DYNLT2: variants seen among roughly 807,000 people sequenced by gnomAD.
DYNLT2 encodes the protein dynein light chain Tctex-type protein 2.
Under a neutral mutation model 24.3 loss-of-function variants are expected in DYNLT2, and 24 were observed. The ratio of observed to expected loss-of-function variants is 0.99; its 90% confidence interval spans 0.71 to 1.39. DYNLT2 has a LOEUF of 1.39. Among genes scored for constraint, DYNLT2 ranks in the 40% most tolerant of loss-of-function variants. The pLI is 0.00. For missense variants in DYNLT2, 246 were observed against 234.5 expected (o/e 1.05, Z -0.32); for synonymous variants, 85 against 85.4 (o/e 1.00, Z 0.03).
chr6:169,748,420 C>T (rs202157797), intron 1 of DYNLT2, among the ~76,000 whole-genome samples: 2 of 151,984 alleles, frequency 1.3e-5, no homozygotes, highest in South Asian at 2.1e-4. Flanking sequence ...AAATCACTCT[C>T]GTCCTGCCTG....
At chr6:169,728,638 C>T in the DYNLT2 span, among the ~76,000 whole-genome samples, 47 of 151,824 alleles carry the variant, frequency 3.1e-4, no homozygotes, top group Admixed American at 5.3e-4. Context: ...TCTGTTACTG[C>T]TACGTAGACA....
At chr6:169,728,065 G>A in the DYNLT2 span, among the ~76,000 whole-genome samples, 1 of 152,270 alleles carries the variant, frequency 6.6e-6, no homozygotes, top group East Asian at 1.9e-4. Context: ...GAAACTACTC[G>A]GTCTGGCTTT....
intron 1 of DYNLT2, among the ~76,000 whole-genome samples, chr6:169,745,078 T>G (rs1334168275): frequency 6.6e-6 from 1 of 152,042 alleles, no homozygotes; most frequent in African/African-American, 2.4e-5. Flanking sequence ...AGTATGATGT[T>G]TGCTGTGAAG....
At chr6:169,743,864 A>T (rs1264879707) in intron 2 of DYNLT2, among the ~76,000 whole-genome samples, 1 of 152,238 alleles carries the variant, frequency 6.6e-6, no homozygotes, top group East Asian at 1.9e-4. Context: ...CTTACAAACC[A>T]GGAGCAGAAC....
intron 2 of DYNLT2, 33 bp downstream of exon 2, chr6:169,744,035 C>T (rs930898706): frequency 3.8e-6 from 6 of 1,587,106 alleles, no homozygotes; most frequent in Non-Finnish European, 5.2e-6. Context: ...AACCCTCATA[C>T]AATACTGCTA....
the DYNLT2 span, among the ~76,000 whole-genome samples, chr6:169,733,640 T>A: frequency 2.8e-4 from 43 of 152,338 alleles, no homozygotes; most frequent in Middle Eastern, 3.4e-3. Flanking sequence ...GCTCCATTGG[T>A]CTATATGTCT....
the DYNLT2 span, among the ~76,000 whole-genome samples, chr6:169,726,707 T>C: frequency 6.6e-6 from 1 of 152,200 alleles, no homozygotes; most frequent in Non-Finnish European, 1.5e-5. Context: ...ATTTGTATGA[T>C]AACAATAATG....
intron 1 of DYNLT2, among the ~76,000 whole-genome samples, chr6:169,746,970 G>C (rs1433236943): frequency 6.7e-6 from 1 of 149,636 alleles, no homozygotes; most frequent in Non-Finnish European, 1.5e-5. Context: ...GGGGGCAGCA[G>C]TTTGTCCTGT....
In DYNLT2 at chr6:169,751,355, A is replaced by T. The variant is rs746628241; in HGVS notation, c.104T>A (p.Met35Lys). ...VTPRKERRPS[M>K]FEKEAYTQIL... ...CGCACTCACTGCCTCCTTCTCGAAC[A>T]TGCTAGGCCTCCTTTCTTTCCTAGG... Residue 35 changes from methionine (M) to lysine (K), a missense_variant, in exon 1 of 4, where the codon ATG becomes AAG. By Grantham distance (95) the Met-to-Lys change is moderately conservative. Coordinates refer to ENST00000366774, the MANE Select transcript of DYNLT2 (RefSeq NM_174910.3). The T allele has an allele frequency of 1.2e-6, 2 of 1,613,942 alleles. No individual in the cohort carries two copies. Among genetic ancestry groups the T allele is most frequent in the African/African-American group, 1.3e-5 (1 of 75,028 alleles).
At chr6:169,751,144 G>C (rs1790026235) in intron 1 of DYNLT2, 195 bp downstream of exon 1, 3 of 745,220 alleles carry the variant, frequency 4.0e-6, no homozygotes, top group East Asian at 5.4e-5. Context: ...GAAAACTTTA[G>C]CACTCAAGTC....
downstream of DYNLT2, chr6:169,740,043 G>T: frequency 3.4e-6 from 2 of 589,342 alleles, no homozygotes; most frequent in Non-Finnish European, 3.0e-6. Flanking sequence ...CTTCTACTTT[G>T]TTGTTAAAAT....
At chr6:169,737,543 T>C (rs1464321980), downstream of DYNLT2, among the ~76,000 whole-genome samples, 1 of 152,122 alleles carries the variant, frequency 6.6e-6, no homozygotes, top group African/African-American at 2.4e-5. Flanking sequence ...ATTTTCTGCT[T>C]CTTTGTTTTT....
intron 1 of DYNLT2, chr6:169,749,439 T>C (rs1442535355): frequency 1.3e-5 from 2 of 152,232 alleles, no homozygotes; most frequent in Non-Finnish European, 2.9e-5. Flanking sequence ...GTGAGAACAA[T>C]CACGTTTTCC....
chr6:169,738,715 T>A (rs192429512), downstream of DYNLT2: 1 of 152,418 alleles, frequency 6.6e-6, no homozygotes, highest in African/African-American at 2.4e-5. Flanking sequence ...ATGGTGCTGC[T>A]TCTAGTCGGC....
At position 169,740,152 on chromosome 6, in the gene DYNLT2, C is replaced by A; in HGVS notation, c.*33G>T. On this transcript the variant is annotated 3_prime_UTR_variant, in exon 4 of 4. Coordinates refer to ENST00000366774, the MANE Select transcript of DYNLT2 (RefSeq NM_174910.3). ...AAATTTCATTTATTTTTGAAAAGTT[C>A]GGAAGTAAACAATCCTTAGTACCTG... is the stretch of plus-strand genomic sequence containing the variant. The A allele has an allele frequency of 1.5e-6, 2 of 1,352,630 alleles. No individual in the cohort carries two copies. Among genetic ancestry groups the A allele is most frequent in the South Asian group, 1.2e-5 (1 of 81,688 alleles). The allele number at this position is 1,352,630 out of a possible 1,614,324, so 83.8% of individuals were successfully genotyped here.
chr6:169,725,479 C>T, the DYNLT2 span: 4 of 396,912 alleles, frequency 1.0e-5, no homozygotes, highest in South Asian at 1.4e-4. Flanking sequence ...CCTAATCCAG[C>T]TTGGTTCTCT....
At chr6:169,746,988 C>A (rs1469275658) in intron 1 of DYNLT2, among the ~76,000 whole-genome samples, 3 of 149,668 alleles carry the variant, frequency 2.0e-5, no homozygotes, top group Non-Finnish European at 1.5e-5. Flanking sequence ...TGTGACCTCA[C>A]TTTTTTCAGT....
At chr6:169,748,027 C>T (rs564473201) in intron 1 of DYNLT2, among the ~76,000 whole-genome samples, 1 of 152,324 alleles carries the variant, frequency 6.6e-6, no homozygotes, top group South Asian at 2.1e-4. Context: ...CAATACACGT[C>T]TTAGCACGCT....
At position 169,740,175 on chromosome 6, in the gene DYNLT2, C is replaced by T; in HGVS notation, c.*10G>A. 1 of 1,557,882 alleles carries T rather than the reference C, an allele frequency of 6.4e-7. No homozygotes were observed. The highest frequency in any genetic ancestry group is 8.8e-7 in the Non-Finnish European group (1 of 1,131,300). The stretch of plus-strand genomic sequence containing the variant: ...TTCGGAAGTAAACAATCCTTAGTAC[C>T]TGTAATGAGCTATTCATAATAAAGG... On this transcript the variant is annotated 3_prime_UTR_variant, in exon 4 of 4. Coordinates refer to ENST00000366774, the MANE Select transcript of DYNLT2 (RefSeq NM_174910.3).
Sources: allele counts gnomAD v4.1 joint callset (sites outside exome capture counted in the v4.1 genomes callset), GRCh38; gene constraint gnomAD v4.1.1; transcripts MANE v1.5; gene names NCBI Gene and HGNC (gene_info 2026-07-23, HGNC 2026-07-21).